The following IRAG1 variants were observed in gnomAD, a reference collection of about 807,000 sequenced individuals.
IRAG1 encodes the protein IP3R-associated cGMP kinase substrate.
In IRAG1, 62 loss-of-function variants were observed where a neutral mutation model predicts 106.2. The observed-to-expected ratio is 0.58, with a 90% CI of 0.48 to 0.72. The LOEUF (loss-of-function observed/expected upper bound fraction) is 0.72, where lower values mean the gene tolerates loss of function less well. Among genes scored for constraint, IRAG1 ranks in the 30% least tolerant of loss-of-function variants. The pLI, the probability that IRAG1 is intolerant of heterozygous loss-of-function variation, is 0.00. For synonymous variants in IRAG1, 462 were observed against 443.9 expected (o/e 1.04, Z -0.51); for missense variants, 1,064 against 1,140.7 (o/e 0.93, Z 0.97).
At chr11:10,680,412 AG>A (rs747925046) in intron 1 of IRAG1, among the ~76,000 whole-genome samples, 57 of 77,792 alleles carry the variant, frequency 7.3e-4, no homozygotes, top group Admixed American at 1.1e-3. Context: ...AAGGAAAGAA[AG>A]GGAAAGAAAG....
chr11:10,654,165 G>A (rs764655900), intron 1 of IRAG1, among the ~76,000 whole-genome samples: 52 of 152,248 alleles, frequency 3.4e-4, no homozygotes, highest in Admixed American at 1.1e-3. Context: ...TTCAGAAAGG[G>A]CTCGGAAAGC....
intron 1 of IRAG1, among the ~76,000 whole-genome samples, chr11:10,680,153 A>G (rs781634886): frequency 1.4e-4 from 21 of 151,696 alleles, no homozygotes; most frequent in African/African-American, 3.6e-4. Flanking sequence ...CATGCCTGTA[A>G]TCCCAGCTAC....
chr11:10,616,784 A>C (rs1245469100), intron 10 of IRAG1, among the ~76,000 whole-genome samples: 1 of 152,142 alleles, frequency 6.6e-6, no homozygotes, highest in African/African-American at 2.4e-5. Flanking sequence ...TGTTTAGTGT[A>C]AGCTATTTTT....
At chr11:10,633,182 C>T (rs942779338) in intron 3 of IRAG1, among the ~76,000 whole-genome samples, 2 of 150,404 alleles carry the variant, frequency 1.3e-5, no homozygotes, top group African/African-American at 4.9e-5. Flanking sequence ...TCACGCCATT[C>T]TCCTGCCTCA....
intron 10 of IRAG1, among the ~76,000 whole-genome samples, chr11:10,612,198 T>C (rs986014557): frequency 5.3e-5 from 8 of 152,146 alleles, no homozygotes; most frequent in African/African-American, 1.9e-4. Flanking sequence ...GGAGTAGCCG[T>C]TGGGAAGCAT....
chr11:10,664,467 T>G (rs1859641849), intron 1 of IRAG1, among the ~76,000 whole-genome samples: 1 of 152,204 alleles, frequency 6.6e-6, no homozygotes, highest in African/African-American at 2.4e-5. Flanking sequence ...AAGAGCAGAC[T>G]GCCATGCTAA....
At chr11:10,674,030 C>T (rs985702546) in intron 1 of IRAG1, among the ~76,000 whole-genome samples, 6 of 152,164 alleles carry the variant, frequency 3.9e-5, no homozygotes, top group Non-Finnish European at 7.4e-5. Flanking sequence ...AAGACAGACT[C>T]ACTGGGATGA....
chr11:10,623,687 AG>A, intron 10 of IRAG1, 90 bp downstream of exon 10: 1 of 1,185,686 alleles, frequency 8.4e-7, no homozygotes. Context: ...AGGAAGACAC[AG>A]GAAGTCTTGT....
At chr11:10,679,320 A>T (rs1860958732) in intron 1 of IRAG1, among the ~76,000 whole-genome samples, 1 of 151,258 alleles carries the variant, frequency 6.6e-6, no homozygotes, top group Non-Finnish European at 1.5e-5. Flanking sequence ...CATCATCCCA[A>T]ATGGAAACTC....
At chr11:10,587,834 C>T (rs932461362) in intron 18 of IRAG1, among the ~76,000 whole-genome samples, 4 of 152,264 alleles carry the variant, frequency 2.6e-5, no homozygotes, top group Non-Finnish European at 5.9e-5. Flanking sequence ...CACTGAACTT[C>T]GTTTTGTTCT....
rs774002406 is a variant in IRAG1, at chr11:10,604,507, G to A, written c.1641C>T (p.Asp547=). ...FVQLSLAFRN[D]SYTLESRINQ... The stretch of plus-strand genomic sequence containing the variant: ...TAATTCTAGATTCCAGAGTGTAGCT[G>A]TCATTTCTAAAGGCCAAGGACAGTT... The change falls in exon 13 of 21, where the codon GAC becomes GAT. Residue 547 remains aspartate, a synonymous_variant. Coordinates refer to ENST00000423302, the MANE Select transcript of IRAG1 (RefSeq NM_130385.4). The A allele has an allele frequency of 6.2e-7, 1 of 1,614,052 alleles. No homozygotes were observed. Among genetic ancestry groups the A allele is most frequent in the South Asian group, 1.1e-5 (1 of 91,090 alleles).
chr11:10,622,876 G>GAC (rs10525799), intron 10 of IRAG1, among the ~76,000 whole-genome samples: 16,088 of 141,450 alleles, frequency 0.11, 1,046 homozygotes, highest in South Asian at 0.21. Context: ...GTAAGCAGTG[G>GAC]ACACACACAC....
intron 2 of IRAG1, among the ~76,000 whole-genome samples, chr11:10,634,605 G>A (rs1396312222): frequency 6.6e-6 from 1 of 152,058 alleles, no homozygotes; most frequent in Non-Finnish European, 1.5e-5. Context: ...CTGCAAGTTT[G>A]ACCTTTTAAG....
At chr11:10,675,022 C>T (rs1312564521) in intron 1 of IRAG1, among the ~76,000 whole-genome samples, 1 of 152,196 alleles carries the variant, frequency 6.6e-6, no homozygotes, top group African/African-American at 2.4e-5. Context: ...CAGAGTGACC[C>T]GGAGCAGGAA....
intron 15 of IRAG1, among the ~76,000 whole-genome samples, chr11:10,594,925 A>G (rs1434987005): frequency 6.6e-6 from 1 of 152,074 alleles, no homozygotes; most frequent in Non-Finnish European, 1.5e-5. Flanking sequence ...TTTTTTCAAA[A>G]AAAAATTTTT....
intron 1 of IRAG1, among the ~76,000 whole-genome samples, chr11:10,656,112 A>G (rs570864794): frequency 4.9e-4 from 74 of 152,346 alleles, no homozygotes; most frequent in Admixed American, 2.2e-3. Context: ...CCTCACATCC[A>G]TCACTGCAAA....
rs1856271496 is a variant in IRAG1 at position 10,626,692 on chromosome 11, C to T, written c.751-109G>A. 4 of 1,306,868 alleles carry T rather than the reference C, an allele frequency of 3.1e-6. No individual in the cohort carries two copies. The East Asian group carries it at 7.5e-5, about 25-fold the overall frequency. 81.0% of individuals were successfully genotyped at this position (1,306,868 alleles called of 1,614,324 possible). On this transcript the variant is annotated intron_variant, in intron 8 of 20. Transcript: ENST00000423302. ...CCCCCACACACCTTGCCAAGGGGCC[C>T]ATTTGTATAAGTGTGTATGGGGTAT... is the stretch of plus-strand genomic sequence containing the variant.
chr11:10,604,392 G>C lies in IRAG1; in HGVS notation c.1743+13C>G, dbSNP rs1297155549. On this transcript the variant is annotated intron_variant, in intron 13 of 20. Transcript: ENST00000423302. ...CTGCTCCAGGGATTCCTCACATCAG[G>C]CTCCACAATTACCGTAATGGAAGCT... The C allele has an allele frequency of 5.0e-6, 8 of 1,613,848 alleles. No homozygotes were observed. The highest frequency in any genetic ancestry group is 6.8e-6 in the Non-Finnish European group (8 of 1,179,802).
chr11:10,689,331 G>T (rs980502543), intron 1 of IRAG1, among the ~76,000 whole-genome samples: 1 of 152,134 alleles, frequency 6.6e-6, no homozygotes, highest in Non-Finnish European at 1.5e-5. Context: ...CTCATTCCCG[G>T]CTGACCCTGG....
Sources: allele counts gnomAD v4.1 joint callset (sites outside exome capture counted in the v4.1 genomes callset), GRCh38; gene constraint gnomAD v4.1.1; transcripts MANE v1.5; gene names NCBI Gene and HGNC (gene_info 2026-07-23, HGNC 2026-07-21).